MAPK8IP3: variants seen among roughly 807,000 people sequenced by gnomAD.
MAPK8IP3 encodes the protein mitogen-activated protein kinase 8 interacting protein 3.
MAPK8IP3 carries 49 observed loss-of-function variants against 157.8 expected under a neutral mutation model. The observed-to-expected ratio is 0.31, with a 90% confidence interval of 0.25 to 0.39. The LOEUF (loss-of-function observed/expected upper bound fraction) is 0.39, where lower values mean the gene tolerates loss of function less well. Ranked by LOEUF, MAPK8IP3 falls within the 10% of genes least tolerant of loss-of-function variation. The pLI is 1.00. For synonymous variants in MAPK8IP3, 897 were observed against 777.7 expected (o/e 1.15, Z -2.55); for missense variants, 1,478 against 1,889.4 (o/e 0.78, Z 4.04).
At position 1,741,687 on chromosome 16, in the gene MAPK8IP3, T is replaced by A. The variant is rs1461381839; in HGVS notation, c.603-1645T>A. ...GAAGCCCAGCCTCCCACTGGGGTCA[T>A]GCTCCCTGGGCCTGGTGGCTGGCTG... is the stretch of plus-strand genomic sequence containing the variant. On this transcript the variant is annotated intron_variant, in intron 4 of 31. Coordinates refer to ENST00000610761, the MANE Select transcript of MAPK8IP3 (RefSeq NM_001318852.2). This position sits in a 1 kb window ranked among gnomAD's most constrained non-coding sequence, Gnocchi z 6.9. Among the ~76,000 whole-genome samples, 1 of 152,048 alleles carries A rather than the reference T, an allele frequency of 6.6e-6. No homozygotes were observed. The highest frequency in any genetic ancestry group is 2.4e-5 in the African/African-American group (1 of 41,400).
intron 1 of MAPK8IP3, among the ~76,000 whole-genome samples, chr16:1,715,500 C>T (rs1286659440): frequency 1.3e-5 from 2 of 152,188 alleles, no homozygotes; most frequent in East Asian, 3.9e-4. Context: ...ATCTGCCAGG[C>T]ACGTGCCCGG....
chr16:1,721,894 C>G (rs542542501), intron 1 of MAPK8IP3, among the ~76,000 whole-genome samples: 2 of 152,112 alleles, frequency 1.3e-5, no homozygotes, highest in Non-Finnish European at 2.9e-5. Context: ...CTCGCCCTCC[C>G]GAGTAGCTGG....
In MAPK8IP3 at chr16:1,706,245, G is replaced by A. The variant is rs2037377483; in HGVS notation, c.-95G>A. 8.5e-7 allele frequency: 1 copy of A among 1,172,246 alleles called. No homozygotes were observed. Among genetic ancestry groups the A allele is most frequent in the Admixed American group, 3.9e-5 (1 of 25,966 alleles). 72.6% of individuals were successfully genotyped at this position (1,172,246 alleles called of 1,614,324 possible). On this transcript the variant is annotated 5_prime_UTR_variant, in exon 1 of 32. Transcript: ENST00000610761. This position sits in a 1 kb window ranked among gnomAD's most constrained non-coding sequence, Gnocchi z 5.1. ...CCCTGAGGCGACAGCAGCTGCGGGAGGCGACGGGCTGCGGCCTGCGGAACC... is the reference window on the plus strand; with the variant it reads ...CCCTGAGGCGACAGCAGCTGCGGGAAGCGACGGGCTGCGGCCTGCGGAACC...
At position 1,767,866 on chromosome 16, in the gene MAPK8IP3, G is replaced by A. The variant is rs761940864; in HGVS notation, c.3471G>A (p.Arg1157=). The A allele has an allele frequency of 6.2e-7, 1 of 1,611,406 alleles. No homozygotes were observed. Among genetic ancestry groups the A allele is most frequent in the South Asian group, 1.1e-5 (1 of 91,086 alleles). ...CGGCCCTGCTTGTCGCGGGCAGCCG[G>A]CTCTGGGTGGGCACCGGCAACGGAG... ...RITALLVAGS[R]LWVGTGNGVV... The change falls in exon 28 of 32, where the codon CGG becomes CGA. Residue 1157 remains arginine, a synonymous_variant. Coordinates refer to ENST00000610761, the MANE Select transcript of MAPK8IP3 (RefSeq NM_001318852.2).
At chr16:1,722,714 C>A (rs1002203374) in intron 1 of MAPK8IP3, among the ~76,000 whole-genome samples, 6 of 150,924 alleles carry the variant, frequency 4.0e-5, no homozygotes, top group Non-Finnish European at 5.9e-5. Context: ...AAAAAAAAAT[C>A]TTTTTTTTGA....
chr16:1,720,447 A>G (rs538348219), intron 1 of MAPK8IP3, among the ~76,000 whole-genome samples: 27 of 152,324 alleles, frequency 1.8e-4, no homozygotes, highest in African/African-American at 6.5e-4. Context: ...ACACCTGCCA[A>G]AAATGGAAGT....
At chr16:1,722,447 G>A (rs2038589800) in intron 1 of MAPK8IP3, among the ~76,000 whole-genome samples, 1 of 152,218 alleles carries the variant, frequency 6.6e-6, no homozygotes, top group Admixed American at 6.5e-5. Flanking sequence ...CCGGGTGGGA[G>A]AGTGGGTAGA....
At position 1,719,760 on chromosome 16, in the gene MAPK8IP3, C is replaced by T. The variant is rs2038396866; in HGVS notation, c.319-4797C>T. On this transcript the variant is annotated intron_variant, in intron 1 of 31. Transcript: ENST00000610761. ...ACTCAGGAGACTGAGATGGGAGGAT[C>T]GCTTGAGCCCGCGAGGTCAAGGCTG... Among the ~76,000 whole-genome samples, 4 of 151,262 alleles carry T rather than the reference C, an allele frequency of 2.6e-5. No homozygotes were observed. The South Asian group carries it at 6.3e-4, about 24-fold the overall frequency.
At chr16:1,753,176 T>G (rs575273979) in intron 8 of MAPK8IP3, among the ~76,000 whole-genome samples, 1 of 152,332 alleles carries the variant, frequency 6.6e-6, no homozygotes, top group East Asian at 1.9e-4. Context: ...CTCAGCATTT[T>G]TACTCTGAGT....
rs200228033 is a variant in MAPK8IP3 at position 1,765,158 on chromosome 16, T to C, written c.2426T>C (p.Leu809Pro). The part of the protein sequence containing the change: ...DQFTVCNAHV[L>P]CISSIPAASD... Reference sequence around the variant, plus strand: ...TTCACCGTCTGCAACGCGCACGTGCTGTGCATCTCCAGCATCCCCGGTGAG... The same window carrying C: ...TTCACCGTCTGCAACGCGCACGTGCCGTGCATCTCCAGCATCCCCGGTGAG... The change falls in exon 20 of 32, where the codon CTG becomes CCG. Residue 809 changes from leucine to proline, a missense_variant. Leu to Pro is a moderately conservative substitution (Grantham distance 98, BLOSUM62 -3). Around this residue, in one of 11 missense-constraint regions of MAPK8IP3, gnomAD observed 669 missense variants for 759.8 expected, o/e 0.88. Transcript: ENST00000610761. 3.1e-6 allele frequency: 5 copies of C among 1,600,538 alleles called. No individual in the cohort carries two copies. Among genetic ancestry groups the C allele is most frequent in the Non-Finnish European group, 4.3e-6 (5 of 1,170,058 alleles).
At chr16:1,738,944 G>A (rs1194369032) in intron 4 of MAPK8IP3, among the ~76,000 whole-genome samples, 4 of 143,706 alleles carry the variant, frequency 2.8e-5, no homozygotes, top group Non-Finnish European at 6.0e-5. Context: ...GTGAGAGTGT[G>A]ACCACCCATG....
At chr16:1,723,701 A>T (rs374775450) in intron 1 of MAPK8IP3, among the ~76,000 whole-genome samples, 1 of 152,106 alleles carries the variant, frequency 6.6e-6, no homozygotes, top group South Asian at 2.1e-4. Flanking sequence ...AATATTCCCC[A>T]GTTTTCTACT....
chr16:1,736,203 T>C (rs2039789443), intron 4 of MAPK8IP3, among the ~76,000 whole-genome samples: 2 of 98,252 alleles, frequency 2.0e-5, no homozygotes, highest in African/African-American at 4.0e-5. Flanking sequence ...TGTGAGCATG[T>C]GTGACCATCC....
chr16:1,743,204 T>A lies in MAPK8IP3; in HGVS notation c.603-128T>A. The A allele has an allele frequency of 7.5e-7, 1 of 1,335,672 alleles. No homozygotes were observed. Among genetic ancestry groups the A allele is most frequent in the South Asian group, 1.9e-5 (1 of 53,616 alleles). The allele number at this position is 1,335,672 out of a possible 1,614,324, so 82.7% of individuals were successfully genotyped here. A position where few individuals can be genotyped will look rare whatever the true frequency, so the allele number is the denominator to read the frequency against. ...CGTAGGATCATAACTGAGTAGCTGC[T>A]CGAGCTGGGCTGCTGGCTGGCATGG... On this transcript the variant is annotated intron_variant, in intron 4 of 31. Coordinates refer to ENST00000610761, the MANE Select transcript of MAPK8IP3 (RefSeq NM_001318852.2). This position sits in a 1 kb window ranked among gnomAD's most constrained non-coding sequence, Gnocchi z 5.6.
chr16:1,744,055 G>A, intron 5 of MAPK8IP3: 1 of 989,140 alleles, frequency 1.0e-6, no homozygotes, highest in Non-Finnish European at 1.2e-6. Context: ...CAGAGTGCGG[G>A]GGCCCCAGCA....
intron 1 of MAPK8IP3, among the ~76,000 whole-genome samples, chr16:1,711,482 C>A (rs1461451144): frequency 1.3e-5 from 2 of 152,194 alleles, no homozygotes; most frequent in Non-Finnish European, 2.9e-5. Context: ...AGATGGGCAT[C>A]AGGTGAGGGG....
At chr16:1,760,723 C>T (rs938665121) in intron 12 of MAPK8IP3, among the ~76,000 whole-genome samples, 191 bp downstream of exon 12, 2 of 152,248 alleles carry the variant, frequency 1.3e-5, no homozygotes, top group Non-Finnish European at 2.9e-5. Flanking sequence ...GAGCCTCCTA[C>T]AGCACACGCT....
chr16:1,766,259 C>T lies in MAPK8IP3; in HGVS notation c.2669C>T (p.Ser890Phe), dbSNP rs546107820. The change falls in exon 22 of 32, where the codon TCC (serine) becomes TTC (phenylalanine). Residue 890 changes from serine (S) to phenylalanine (F), a missense_variant. This residue lies in a region of MAPK8IP3 where 669 missense variants were observed against 759.8 expected (regional missense o/e 0.88). Coordinates refer to ENST00000610761, the MANE Select transcript of MAPK8IP3 (RefSeq NM_001318852.2). ...ATIANGKVNPSQSTEEATEAT... is the reference protein window; with the variant it reads ...ATIANGKVNPFQSTEEATEAT... ...ATCGCCAACGGGAAGGTCAACCCGT[C>T]CCAGTCCACAGAGGAGGCCACAGAG... is the stretch of plus-strand genomic sequence containing the variant. The T allele has an allele frequency of 1.2e-6, 2 of 1,612,330 alleles. No individual in the cohort carries two copies. Among genetic ancestry groups the T allele is most frequent in the Non-Finnish European group, 1.7e-6 (2 of 1,179,760 alleles).
At chr16:1,753,729 C>T (rs1274985233) in intron 8 of MAPK8IP3, among the ~76,000 whole-genome samples, 1 of 151,614 alleles carries the variant, frequency 6.6e-6, no homozygotes, top group East Asian at 2.0e-4. Context: ...GCGTGAGCCA[C>T]CGTGCCCAGC....
Sources: gnomAD v4.1 joint callset for allele counts (sites outside exome capture counted in the v4.1 genomes callset) on GRCh38, gnomAD v4.1.1 for gene constraint, gnomAD v4.1.1 regional missense constraint, Gnocchi (gnomAD v3.1) non-coding constraint, MANE v1.5 for transcripts, NCBI Gene and HGNC (gene_info 2026-07-23, HGNC 2026-07-21) for gene names.